The following CDC42BPA variants were observed in gnomAD, a reference collection of about 807,000 sequenced individuals.
The protein encoded by CDC42BPA is CDC42 binding protein kinase alpha, also known as serine/threonine-protein kinase MRCK alpha.
In CDC42BPA, 80 loss-of-function variants were observed where a neutral mutation model predicts 223.5. The ratio of observed to expected loss-of-function variants is 0.36; its 90% CI spans 0.30 to 0.43. The LOEUF (loss-of-function observed/expected upper bound fraction) is 0.43. CDC42BPA is among the 20% of genes least tolerant of loss of function. The pLI is 1.00. For missense variants in CDC42BPA, 1,743 were observed against 2,099.9 expected (o/e 0.83, Z 3.32); for synonymous variants, 694 against 718.6 (o/e 0.97, Z 0.55).
intron 7 of CDC42BPA, among the ~76,000 whole-genome samples, chr1:227,146,053 C>G (rs906809355): frequency 6.6e-6 from 1 of 151,950 alleles, no homozygotes; most frequent in Non-Finnish European, 1.5e-5. Context: ...CTATTTAAAT[C>G]AAGATAGATG....
At position 226,994,962 on chromosome 1, in the gene CDC42BPA, C is replaced by A; in HGVS notation, c.4994G>T (p.Gly1665Val). 1 of 1,613,976 alleles carries A rather than the reference C, an allele frequency of 6.2e-7. No individual in the cohort carries two copies. The highest frequency in any genetic ancestry group is 8.5e-7 in the Non-Finnish European group (1 of 1,179,946). The part of the protein sequence containing the change: ...GLSARSSAQN[G>V]SALKREFSGG... ...AGAGAATTCCCTCTTTAATGCGCTG[C>A]CATTCTGTGCGGATGACCCTACAGT... is the stretch of plus-strand genomic sequence containing the variant. The change falls in exon 36 of 37, where the codon GGC (glycine) becomes GTC (valine). Residue 1665 changes from glycine (G) to valine (V), a missense_variant. Around this residue, in one of 6 missense-constraint regions of CDC42BPA, gnomAD observed 200 missense variants for 192.8 expected, o/e 1.04. Transcript: ENST00000366766. This position sits in a 1 kb window ranked among gnomAD's most constrained non-coding sequence, Gnocchi z 4.0.
rs527844196 is a variant in CDC42BPA, at chr1:227,074,545, C to G, written c.2481-181G>C. 2.0e-5 allele frequency among the ~76,000 whole-genome samples: 3 copies of G among 152,254 alleles called. No individual in the cohort carries two copies. The East Asian group carries it at 5.8e-4, about 29-fold the overall frequency. ...AACAACTGGGAAGAGGTTTATGGAA[C>G]TGTTCTTTTATGTACATGGTAGAGC... On this transcript the variant is annotated intron_variant, in intron 17 of 36. Coordinates refer to ENST00000366766, the MANE Select transcript of CDC42BPA (RefSeq NM_001394014.1).
intron 2 of CDC42BPA, among the ~76,000 whole-genome samples, chr1:227,213,841 GA>G (rs1253587512): frequency 3.4e-5 from 5 of 148,116 alleles, no homozygotes; most frequent in East Asian, 2.0e-4. Flanking sequence ...CTTCCAAAAA[GA>G]AAAAAAAAGG....
At chr1:227,132,147 G>A (rs1238439878) in intron 10 of CDC42BPA, among the ~76,000 whole-genome samples, 1 of 151,714 alleles carries the variant, frequency 6.6e-6, no homozygotes, top group East Asian at 1.9e-4. Flanking sequence ...TCTCCCCACG[G>A]TCTTCCTCTC....
chr1:227,206,743 T>G (rs890479287), intron 3 of CDC42BPA, among the ~76,000 whole-genome samples: 2 of 152,180 alleles, frequency 1.3e-5, no homozygotes, highest in Non-Finnish European at 2.9e-5. Context: ...GTCTAAAAGA[T>G]AAAAGTTTTC....
chr1:227,081,156 G>C, intron 16 of CDC42BPA, 139 bp from the exon 17 acceptor site: 1 of 752,780 alleles, frequency 1.3e-6, no homozygotes, highest in Non-Finnish European at 2.1e-6. Context: ...TTTGCTCACT[G>C]AATTTGGATA....
chr1:227,287,560 A>C (rs1689011833), intron 1 of CDC42BPA, among the ~76,000 whole-genome samples: 1 of 152,224 alleles, frequency 6.6e-6, no homozygotes, highest in South Asian at 2.1e-4. Context: ...AATTCAATGG[A>C]AAGCAATATG....
At position 226,994,195 on chromosome 1, in the gene CDC42BPA, G is replaced by T; in HGVS notation, c.*73C>A. The T allele has an allele frequency of 6.8e-7, 1 of 1,464,238 alleles. No individual in the cohort carries two copies. Among genetic ancestry groups the T allele is most frequent in the Non-Finnish European group, 9.3e-7 (1 of 1,078,830 alleles). The allele number at this position is 1,464,238 out of a possible 1,614,324, so 90.7% of individuals were successfully genotyped here. A position where few individuals can be genotyped will look rare whatever the true frequency, so the allele number is the denominator to read the frequency against. Reference sequence around the variant, plus strand: ...GCTTTCAGGCCGAGCAGGCGAGGTGGAGGGAAGAGATGAAAGTGAGAGGAG... The same window carrying T: ...GCTTTCAGGCCGAGCAGGCGAGGTGTAGGGAAGAGATGAAAGTGAGAGGAG... On this transcript the variant is annotated 3_prime_UTR_variant, in exon 37 of 37. Coordinates refer to ENST00000366766, the MANE Select transcript of CDC42BPA (RefSeq NM_001394014.1). The surrounding 1 kb of genome is among the most constrained non-coding windows in gnomAD (Gnocchi z 4.0).
At position 227,051,960 on chromosome 1, in the gene CDC42BPA, A is replaced by G. The variant is rs1208372004; in HGVS notation, c.2930T>C (p.Val977Ala). The change falls in exon 22 of 37, where the codon GTA (valine) becomes GCA (alanine). Residue 977 changes from valine to alanine, a missense_variant. Transcript: ENST00000366766. ...GTGAAACTTGACGCTCGGGTTCCAT[A>G]CATATGTGTTCTCAACGGGATCAGT... The part of the protein sequence containing the change: ...FETDPVENTY[V>A]WNPSVKFHIQ... 1.5e-6 allele frequency: 2 copies of G among 1,366,212 alleles called. No homozygotes were observed. The highest frequency in any genetic ancestry group is 2.0e-6 in the Non-Finnish European group (2 of 1,021,654). The allele number at this position is 1,366,212 out of a possible 1,614,324, so 84.6% of individuals were successfully genotyped here. A position where few individuals can be genotyped will look rare whatever the true frequency, so the allele number is the denominator to read the frequency against.
chr1:227,112,944 C>A, intron 12 of CDC42BPA, 31 bp from the exon 13 acceptor site: 1 of 1,603,360 alleles, frequency 6.2e-7, no homozygotes, highest in South Asian at 1.1e-5. Flanking sequence ...TATAAGTTAC[C>A]AATTCTGCAA....
chr1:227,230,465 G>A (rs1438646429), intron 2 of CDC42BPA, among the ~76,000 whole-genome samples: 1 of 152,152 alleles, frequency 6.6e-6, no homozygotes. Flanking sequence ...TTTGAATAGG[G>A]TGTATCTGGT....
At chr1:227,042,046 T>C (rs1671477812) in intron 23 of CDC42BPA, among the ~76,000 whole-genome samples, 1 of 152,194 alleles carries the variant, frequency 6.6e-6, no homozygotes. Context: ...GAGTAAATTT[T>C]CTAGTGCTAA....
At chr1:227,241,460 A>T (rs1679999045) in intron 2 of CDC42BPA, among the ~76,000 whole-genome samples, 1 of 152,178 alleles carries the variant, frequency 6.6e-6, no homozygotes. Context: ...TAGGAAAATG[A>T]ATAAACTGTG....
intron 8 of CDC42BPA, among the ~76,000 whole-genome samples, chr1:227,144,266 A>T (rs1319572491): frequency 1.3e-5 from 2 of 152,206 alleles, no homozygotes; most frequent in Non-Finnish European, 2.9e-5. Flanking sequence ...GAATAAAAAT[A>T]AAAGCTCAAA....
intron 1 of CDC42BPA, among the ~76,000 whole-genome samples, chr1:227,315,955 CAAAAAAAAAA>C (rs71180728): frequency 0.13 from 14,640 of 111,068 alleles, 1,257 homozygotes; most frequent in East Asian, 0.41. Flanking sequence ...ATTTCAAATC[CAAAAAAAAAA>C]AAAAAAAAAG....
intron 4 of CDC42BPA, among the ~76,000 whole-genome samples, chr1:227,196,091 G>C (rs1315036493): frequency 7.0e-6 from 1 of 142,150 alleles, no homozygotes; most frequent in Non-Finnish European, 1.5e-5. Flanking sequence ...GCAGCTTTGG[G>C]GATTTTTTTT....
chr1:226,999,835 AAACT>A (rs1302019755), intron 35 of CDC42BPA, among the ~76,000 whole-genome samples: 1 of 151,954 alleles, frequency 6.6e-6, no homozygotes, highest in Non-Finnish European at 1.5e-5. Context: ...CATTCTCAGC[AAACT>A]AACACAGGAA....
chr1:227,024,762 A>G (rs1017855388), intron 31 of CDC42BPA, among the ~76,000 whole-genome samples: 2 of 152,252 alleles, frequency 1.3e-5, no homozygotes, highest in African/African-American at 4.8e-5. Context: ...ATACTTAAAT[A>G]TGCAAAAATT....
intron 23 of CDC42BPA, among the ~76,000 whole-genome samples, chr1:227,042,365 A>G (rs1671552826): frequency 6.6e-6 from 1 of 151,396 alleles, no homozygotes; most frequent in African/African-American, 2.4e-5. Flanking sequence ...CACAATTCTG[A>G]GTATGACAGC....
Sources: gnomAD v4.1 joint callset for allele counts (sites outside exome capture counted in the v4.1 genomes callset) on GRCh38, gnomAD v4.1.1 for gene constraint, gnomAD v4.1.1 regional missense constraint, Gnocchi (gnomAD v3.1) non-coding constraint, MANE v1.5 for transcripts, NCBI Gene and HGNC (gene_info 2026-07-23, HGNC 2026-07-21) for gene names.